The following CNTLN variants were observed in gnomAD, a reference collection of about 807,000 sequenced individuals.
The protein encoded by CNTLN is centlein, centrosomal protein.
A neutral mutation model predicts 180.0 loss-of-function variants in CNTLN; 212 were observed. That is an observed-to-expected ratio of 1.18 (90% confidence interval 1.05 to 1.32). CNTLN has a LOEUF of 1.32. Among genes scored for constraint, CNTLN ranks in the 40% most tolerant of loss-of-function variants. The pLI is 0.00. For synonymous variants in CNTLN, 722 were observed against 563.1 expected (o/e 1.28, Z -3.99); for missense variants, 2,095 against 1,610.9 (o/e 1.30, Z -5.14).
intron 5 of CNTLN, among the ~76,000 whole-genome samples, chr9:17,238,030 T>G (rs977982778): frequency 6.6e-6 from 1 of 152,168 alleles, no homozygotes; most frequent in African/African-American, 2.4e-5. Flanking sequence ...TATTTGGTGA[T>G]AATTTTTATT....
At chr9:17,474,680 CCAA>C (rs1447520809) in intron 23 of CNTLN, among the ~76,000 whole-genome samples, 3 of 151,978 alleles carry the variant, frequency 2.0e-5, no homozygotes, top group Non-Finnish European at 4.4e-5. Flanking sequence ...ACCAGCCTGG[CCAA>C]CATGGTGAAA....
intron 12 of CNTLN, among the ~76,000 whole-genome samples, chr9:17,362,714 T>C (rs141998333): frequency 6.6e-6 from 1 of 152,284 alleles, no homozygotes; most frequent in Non-Finnish European, 1.5e-5. Context: ...TTAATTTTTT[T>C]CTTGCACGTT....
Position 17,394,690 on chromosome 9 carries a change from A to G in CNTLN, c.2236A>G (p.Ile746Val). The G allele has an allele frequency of 1.2e-6, 2 of 1,613,928 alleles. No individual in the cohort carries two copies. Among genetic ancestry groups the G allele is most frequent in the Admixed American group, 1.7e-5 (1 of 59,982 alleles). Residue 746 changes from isoleucine to valine, a missense_variant, in exon 15 of 26, where the codon ATA (isoleucine) becomes GTA (valine). By Grantham distance (29) the Ile-to-Val change is conservative. Coordinates refer to ENST00000380647, the MANE Select transcript of CNTLN (RefSeq NM_017738.4). ...TETREKELEQ[I>V]IKGSKDVEKE... The stretch of plus-strand genomic sequence containing the variant: ...GACCAGAGAAAAAGAGCTAGAACAG[A>G]TAATAAAGGGGAGTAAAGATGTAGA...
chr9:17,401,101 C>T (rs1826937933), intron 15 of CNTLN, among the ~76,000 whole-genome samples: 2 of 152,134 alleles, frequency 1.3e-5, no homozygotes, highest in Non-Finnish European at 2.9e-5. Context: ...CTGAAAATAG[C>T]AATCTTGCTT....
chr9:17,457,025 C>T (rs576833966), intron 18 of CNTLN, among the ~76,000 whole-genome samples: 1 of 152,280 alleles, frequency 6.6e-6, no homozygotes, highest in South Asian at 2.1e-4. Flanking sequence ...TTTATTTGAA[C>T]TAAATCTCTA....
chr9:17,236,736 TA>T (rs1825167444), intron 5 of CNTLN, 148 bp downstream of exon 5: 2 of 540,430 alleles, frequency 3.7e-6, no homozygotes, highest in Middle Eastern at 5.2e-4. Context: ...TTAAGACCCA[TA>T]GCTTTTTAAA....
chr9:17,153,098 T>C (rs535627411), intron 2 of CNTLN, among the ~76,000 whole-genome samples: 17 of 152,322 alleles, frequency 1.1e-4, no homozygotes, highest in Non-Finnish European at 2.4e-4. Context: ...TGATGGGTCT[T>C]GACTCTTTAT....
At chr9:17,175,927 A>G (rs1387012773) in intron 2 of CNTLN, among the ~76,000 whole-genome samples, 1 of 152,094 alleles carries the variant, frequency 6.6e-6, no homozygotes, top group African/African-American at 2.4e-5. Flanking sequence ...TTACTAATAT[A>G]TAGAATAAGG....
rs890250091 is a variant in CNTLN at position 17,444,216 on chromosome 9, T to C, written c.3115-13308T>C. 4.6e-5 allele frequency: 7 copies of C among 152,208 alleles called. No individual in the cohort carries two copies. In the South Asian group the frequency reaches 1.4e-3, roughly 32 times the overall value. 9.4% of individuals were successfully genotyped at this position (152,208 alleles called of 1,614,324 possible). ...TTCCAGACCAGACCAGCTTTCTCCA[T>C]GCAGCTCTGGCCATGCGTATTGGCC... On this transcript the variant is annotated intron_variant, in intron 18 of 25. Transcript: ENST00000380647.
intron 2 of CNTLN, among the ~76,000 whole-genome samples, chr9:17,188,851 T>G (rs1821602730): frequency 6.6e-6 from 1 of 152,086 alleles, no homozygotes; most frequent in South Asian, 2.1e-4. Flanking sequence ...TTGAATTGCT[T>G]AATTTCATTA....
chr9:17,248,931 T>A (rs1394683146), intron 5 of CNTLN, among the ~76,000 whole-genome samples: 1 of 152,076 alleles, frequency 6.6e-6, no homozygotes, highest in Non-Finnish European at 1.5e-5. Context: ...TCATGTCATT[T>A]TGGATTTTAG....
chr9:17,296,337 A>G (rs374391594), intron 6 of CNTLN, among the ~76,000 whole-genome samples: 12 of 152,230 alleles, frequency 7.9e-5, no homozygotes, highest in African/African-American at 2.9e-4. Context: ...TCTTTTGACT[A>G]AAGATACATA....
At chr9:17,206,976 C>A (rs886524310) in intron 2 of CNTLN, among the ~76,000 whole-genome samples, 1 of 152,190 alleles carries the variant, frequency 6.6e-6, no homozygotes, top group African/African-American at 2.4e-5. Flanking sequence ...CTTCATGAGA[C>A]CCCTCCTTGT....
chr9:17,283,692 T>C (rs10963005), intron 6 of CNTLN, among the ~76,000 whole-genome samples: 44,506 of 152,050 alleles, frequency 0.29, 6,592 homozygotes, highest in South Asian at 0.41. Context: ...AAGGGAAATG[T>C]TTCCAGCTTT....
chr9:17,446,050 G>C (rs1830393495), intron 18 of CNTLN, among the ~76,000 whole-genome samples: 1 of 152,156 alleles, frequency 6.6e-6, no homozygotes, highest in African/African-American at 2.4e-5. Flanking sequence ...CATTGTCTAT[G>C]ATGCAAAGAC....
intron 13 of CNTLN, among the ~76,000 whole-genome samples, chr9:17,376,438 CT>C (rs996684132): frequency 6.6e-6 from 1 of 150,550 alleles, no homozygotes. Context: ...TTTTCTTTTT[CT>C]TTTTTTTAAA....
chr9:17,399,201 G>A (rs753906123), intron 15 of CNTLN, among the ~76,000 whole-genome samples: 8 of 152,126 alleles, frequency 5.3e-5, no homozygotes, highest in Non-Finnish European at 1.0e-4. Flanking sequence ...TCACTTCCAC[G>A]TAGTCCCATG....
chr9:17,490,842 G>A (rs932944771), intron 25 of CNTLN, among the ~76,000 whole-genome samples: 2 of 151,974 alleles, frequency 1.3e-5, no homozygotes, highest in African/African-American at 4.8e-5. Context: ...CGTGTGTTGT[G>A]CCCCCCACCA....
At chr9:17,289,546 A>G (rs1453909927) in intron 6 of CNTLN, among the ~76,000 whole-genome samples, 1 of 136,458 alleles carries the variant, frequency 7.3e-6, no homozygotes, top group Admixed American at 7.3e-5. Context: ...CTGAATCTGA[A>G]CATTGGCCTG....
Sources: allele counts gnomAD v4.1 joint callset (sites outside exome capture counted in the v4.1 genomes callset), GRCh38; gene constraint gnomAD v4.1.1; transcripts MANE v1.5; gene names NCBI Gene and HGNC (gene_info 2026-07-23, HGNC 2026-07-21).